Variants in SIM1 observed in about 807,000 individuals in gnomAD.
SIM1 encodes SIM bHLH transcription factor 1, also known as single-minded homolog 1.
SIM1 carries 18 observed loss-of-function variants against 78.2 expected under a neutral mutation model. The observed-to-expected ratio is 0.23, with a 90% CI of 0.16 to 0.34. SIM1 has a LOEUF of 0.34. SIM1 is among the 10% of genes least tolerant of loss of function. The probability of loss-of-function intolerance (pLI) is 1.00; values close to 1 mark genes in which losing one functional copy is unlikely to be tolerated. For synonymous variants in SIM1, 417 were observed against 385.2 expected (o/e 1.08, Z -0.97); for missense variants, 939 against 975.1 (o/e 0.96, Z 0.49).
At chr6:100,457,818 G>A (rs962888310) in intron 2 of SIM1, among the ~76,000 whole-genome samples, 1 of 152,154 alleles carries the variant, frequency 6.6e-6, no homozygotes, top group African/African-American at 2.4e-5. Flanking sequence ...CGGCGAGCGC[G>A]CCGGGCCAGG....
chr6:100,406,632 A>T (rs1398363826), intron 10 of SIM1, among the ~76,000 whole-genome samples: 1 of 152,140 alleles, frequency 6.6e-6, no homozygotes, highest in Admixed American at 6.5e-5. Context: ...AATGAGGAAA[A>T]CTAAAATAAT....
At position 100,423,555 on chromosome 6, in the gene SIM1, T is replaced by C. The variant is rs191938244; in HGVS notation, c.999-2597A>G. Among the ~76,000 whole-genome samples, 380 of 152,338 alleles carry C rather than the reference T, an allele frequency of 2.5e-3. 1 individual carries two copies. The highest frequency in any genetic ancestry group is 4.7e-3 in the Non-Finnish European group (322 of 68,030). ...AGTGATTATGTCTTATCTTTCTCAG[T>C]GGATTCTAAGTCCCTAGAGGACAAG... On this transcript the variant is annotated intron_variant, in intron 9 of 11. Transcript: ENST00000369208.
chr6:100,430,691 C>A (rs1413250962), intron 9 of SIM1, among the ~76,000 whole-genome samples: 1 of 152,058 alleles, frequency 6.6e-6, no homozygotes, highest in Admixed American at 6.6e-5. Flanking sequence ...TGTATGTTCC[C>A]TTTAAAAGTC....
chr6:100,414,889 G>T (rs1426587874), intron 10 of SIM1, among the ~76,000 whole-genome samples: 1 of 152,218 alleles, frequency 6.6e-6, no homozygotes, highest in Non-Finnish European at 1.5e-5. Context: ...AAGCCAGATT[G>T]CTGGCAATGA....
At chr6:100,438,605 T>C (rs759998195) in intron 9 of SIM1, among the ~76,000 whole-genome samples, 25 of 152,336 alleles carry the variant, frequency 1.6e-4, no homozygotes, top group Admixed American at 2.6e-4. Flanking sequence ...GCAATCCCAC[T>C]ACTGGGTATC....
chr6:100,408,326 C>T (rs1372346466), intron 10 of SIM1, among the ~76,000 whole-genome samples: 1 of 151,872 alleles, frequency 6.6e-6, no homozygotes, highest in Non-Finnish European at 1.5e-5. Flanking sequence ...AAAGCTGGTA[C>T]TGTTATTGTA....
intron 9 of SIM1, among the ~76,000 whole-genome samples, chr6:100,440,106 G>T (rs139519926): frequency 6.6e-6 from 1 of 152,330 alleles, no homozygotes; most frequent in Non-Finnish European, 1.5e-5. Flanking sequence ...ATTGGCAAGA[G>T]CTAATAAAAA....
chr6:100,441,286 G>T (rs1772208784), intron 9 of SIM1, among the ~76,000 whole-genome samples: 1 of 152,198 alleles, frequency 6.6e-6, no homozygotes, highest in African/African-American at 2.4e-5. Context: ...GGATGGCACA[G>T]CAGACCCAAG....
intron 9 of SIM1, among the ~76,000 whole-genome samples, chr6:100,434,642 A>C (rs1348533605): frequency 1.3e-5 from 2 of 152,236 alleles, no homozygotes; most frequent in East Asian, 3.8e-4. Flanking sequence ...CAGTAGGAAG[A>C]GGTGAGAGAC....
At chr6:100,452,819 C>T (rs137942560) in intron 3 of SIM1, among the ~76,000 whole-genome samples, 1 of 152,194 alleles carries the variant, frequency 6.6e-6, no homozygotes, top group African/African-American at 2.4e-5. Flanking sequence ...CTTGCCCAAC[C>T]CCTTCCTTTG....
chr6:100,455,369 C>T (rs1413373757), intron 2 of SIM1, among the ~76,000 whole-genome samples: 1 of 152,206 alleles, frequency 6.6e-6, no homozygotes, highest in Non-Finnish European at 1.5e-5. Flanking sequence ...CTCCACTGCC[C>T]TGGTCCCTGG....
rs545307625 is a variant in SIM1 at position 100,389,905 on chromosome 6, T to C, written c.*456A>G. ...ATGGAAATTTCGTTAAGAAGTTTAG[T>C]GTGACAGAGTCAAAGAAAATTACCC... is the stretch of plus-strand genomic sequence containing the variant. On this transcript the variant is annotated 3_prime_UTR_variant, in exon 12 of 12. Transcript: ENST00000369208. 10 of 396,806 alleles carry C rather than the reference T, an allele frequency of 2.5e-5. No homozygotes were observed. The highest frequency in any genetic ancestry group is 4.4e-5 in the Non-Finnish European group (10 of 225,402). The allele number at this position is 396,806 out of a possible 1,614,324, so 24.6% of individuals were successfully genotyped here. A position where few individuals can be genotyped will look rare whatever the true frequency, so the allele number is the denominator to read the frequency against.
chr6:100,422,793 T>A (rs1215474062), intron 9 of SIM1, among the ~76,000 whole-genome samples: 1 of 152,214 alleles, frequency 6.6e-6, no homozygotes, highest in African/African-American at 2.4e-5. Context: ...AACATCATGT[T>A]GTACATCACA....
At chr6:100,453,671 T>C in intron 3 of SIM1, 91 bp downstream of exon 3, 1 of 1,000,296 alleles carries the variant, frequency 1.0e-6, no homozygotes, top group Non-Finnish European at 1.5e-6. Context: ...TTTTTTTTTG[T>C]TTTTGTTTTC....
intron 10 of SIM1, among the ~76,000 whole-genome samples, chr6:100,418,618 G>A (rs1202532140): frequency 6.6e-6 from 1 of 152,038 alleles, no homozygotes; most frequent in Non-Finnish European, 1.5e-5. Context: ...TAGACAGTGA[G>A]GATTTGGGGG....
At chr6:100,458,018 CTCTCTCTCT>C (rs1562064256) in intron 2 of SIM1, among the ~76,000 whole-genome samples, 4,558 of 87,546 alleles carry the variant, frequency 0.052, 268 homozygotes, top group Non-Finnish European at 0.059. Flanking sequence ...CTCTCTCTCT[CTCTCTCTCT>C]CTCTCTCTCT....
At chr6:100,452,938 G>T (rs1410982552) in intron 3 of SIM1, among the ~76,000 whole-genome samples, 1 of 152,196 alleles carries the variant, frequency 6.6e-6, no homozygotes, top group Non-Finnish European at 1.5e-5. Context: ...CCCACAGGGA[G>T]AACTTGCTTA....
chr6:100,442,707 T>C (rs943701311), intron 9 of SIM1, among the ~76,000 whole-genome samples: 2 of 152,094 alleles, frequency 1.3e-5, no homozygotes, highest in Non-Finnish European at 2.9e-5. Context: ...TTGTACTCCA[T>C]AACTATATAT....
intron 10 of SIM1, among the ~76,000 whole-genome samples, chr6:100,399,437 C>CA (rs1770853907): frequency 6.6e-6 from 1 of 151,936 alleles, no homozygotes. Flanking sequence ...GGGTTAATGA[C>CA]AAAAGCAGGA....
Sources: allele counts gnomAD v4.1 joint callset (sites outside exome capture counted in the v4.1 genomes callset), GRCh38; gene constraint gnomAD v4.1.1; transcripts MANE v1.5; gene names NCBI Gene and HGNC (gene_info 2026-07-23, HGNC 2026-07-21).